The following ATXN1 variants were observed in gnomAD, a reference collection of about 807,000 sequenced individuals.
ATXN1 encodes ataxin 1.
Under a neutral mutation model 56.4 loss-of-function variants are expected in ATXN1, and 8 were observed. The ratio of observed to expected loss-of-function variants is 0.14; its 90% confidence interval spans 0.08 to 0.26. The LOEUF is 0.26. ATXN1 is among the 10% of genes least tolerant of loss of function. ATXN1 has a pLI of 1.00. For synonymous variants in ATXN1, 514 were observed against 494.6 expected (o/e 1.04, Z -0.52); for missense variants, 987 against 1,106.5 (o/e 0.89, Z 1.53).
intron 4 of ATXN1, among the ~76,000 whole-genome samples, chr6:16,546,916 G>A (rs1228480693): frequency 1.3e-5 from 2 of 152,172 alleles, no homozygotes; most frequent in African/African-American, 4.8e-5. Flanking sequence ...ATGCTGAAAT[G>A]GAAGTTTCTA....
At chr6:16,695,991 GAATAAATA>G (rs1205319667) in intron 2 of ATXN1, among the ~76,000 whole-genome samples, 1 of 151,334 alleles carries the variant, frequency 6.6e-6, no homozygotes, top group Non-Finnish European at 1.5e-5. Flanking sequence ...ATAAATAAAT[GAATAAATA>G]AATAAATAAA....
At chr6:16,530,442 T>C (rs1761481661) in intron 4 of ATXN1, among the ~76,000 whole-genome samples, 1 of 152,200 alleles carries the variant, frequency 6.6e-6, no homozygotes, top group Non-Finnish European at 1.5e-5. Context: ...TACGATTCCA[T>C]GGAAGGGTTA....
chr6:16,312,948 G>A (rs956486174), intron 7 of ATXN1, among the ~76,000 whole-genome samples: 6 of 152,174 alleles, frequency 3.9e-5, no homozygotes, highest in Non-Finnish European at 5.9e-5. Flanking sequence ...TACAATCTCG[G>A]CTCACTGCAA....
chr6:16,573,612 T>C (rs1303191901), intron 4 of ATXN1, among the ~76,000 whole-genome samples: 1 of 152,214 alleles, frequency 6.6e-6, no homozygotes, highest in Non-Finnish European at 1.5e-5. Flanking sequence ...ACCTCCTGCA[T>C]TAACTTCACA....
intron 2 of ATXN1, among the ~76,000 whole-genome samples, chr6:16,697,252 T>G (rs1759183926): frequency 6.6e-6 from 1 of 152,212 alleles, no homozygotes; most frequent in African/African-American, 2.4e-5. Context: ...CAACAAGTAT[T>G]AAGGACACAA....
chr6:16,369,709 C>CT, intron 6 of ATXN1, among the ~76,000 whole-genome samples: 1 of 152,268 alleles, frequency 6.6e-6, no homozygotes, highest in Non-Finnish European at 1.5e-5. Flanking sequence ...TAAATGCTAG[C>CT]TTACCTTAAA....
intron 4 of ATXN1, among the ~76,000 whole-genome samples, chr6:16,563,946 T>A (rs1303752926): frequency 6.6e-6 from 1 of 152,176 alleles, no homozygotes. Context: ...AGCTCACGAA[T>A]AGAAAGAGAA....
chr6:16,540,508 G>A (rs1192638646), intron 4 of ATXN1, among the ~76,000 whole-genome samples: 1 of 152,090 alleles, frequency 6.6e-6, no homozygotes, highest in Non-Finnish European at 1.5e-5. Context: ...CACTGCGCCC[G>A]GAACTGATTC....
In ATXN1 at chr6:16,422,047, G is replaced by GTT. The variant is rs34554293; in HGVS notation, c.-161+63923_-161+63924dup. Reference sequence around the variant, plus strand: ...TCTTCATCTTTTGAAGTATATAAGGGTTTTTTTTTTTATTTGCCTCTGTGC... The same window carrying GTT: ...TCTTCATCTTTTGAAGTATATAAGGGTTTTTTTTTTTTTATTTGCCTCTGTGC... On this transcript the variant is annotated intron_variant, in intron 6 of 7. Transcript: ENST00000436367. Among the ~76,000 whole-genome samples the GTT allele has an allele frequency of 1.8e-4, 27 of 148,264 alleles. No homozygotes were observed. In the East Asian group the frequency reaches 2.0e-3, roughly 11 times the overall value.
In ATXN1 at chr6:16,549,672, C is replaced by T. The variant is rs144460876; in HGVS notation, c.-360-26984G>A. Among the ~76,000 whole-genome samples, 472 of 152,062 alleles carry T rather than the reference C, an allele frequency of 3.1e-3. 1 individual carries two copies. The highest frequency in any genetic ancestry group is 0.01 in the African/African-American group (425 of 41,478). Reference sequence around the variant, plus strand: ...CAGCACTTTGGGAGGCAGAGATGGGCGGATCACCTGAGGCTGGGAGTTCGA... The same window carrying T: ...CAGCACTTTGGGAGGCAGAGATGGGTGGATCACCTGAGGCTGGGAGTTCGA... On this transcript the variant is annotated intron_variant, in intron 4 of 7. Transcript: ENST00000436367.
chr6:16,442,567 T>C (rs1340959750), intron 6 of ATXN1, among the ~76,000 whole-genome samples: 1 of 151,784 alleles, frequency 6.6e-6, no homozygotes, highest in African/African-American at 2.4e-5. Context: ...TAAAAGGATA[T>C]TACCTTAAAT....
At chr6:16,574,721 G>T (rs914669590) in intron 4 of ATXN1, among the ~76,000 whole-genome samples, 4 of 151,872 alleles carry the variant, frequency 2.6e-5, no homozygotes, top group Non-Finnish European at 2.9e-5. Flanking sequence ...AGCTTACAAA[G>T]CCATAGAACC....
At chr6:16,600,649 C>G (rs1319829077) in intron 3 of ATXN1, among the ~76,000 whole-genome samples, 1 of 152,172 alleles carries the variant, frequency 6.6e-6, no homozygotes, top group East Asian at 1.9e-4. Flanking sequence ...TAAAAAATTG[C>G]TATCTACAAG....
intron 4 of ATXN1, among the ~76,000 whole-genome samples, chr6:16,584,932 A>G (rs1762596120): frequency 6.6e-6 from 1 of 152,174 alleles, no homozygotes; most frequent in Non-Finnish European, 1.5e-5. Context: ...TATTTTTGGC[A>G]TCATGAAAGC....
chr6:16,611,002 G>C (rs1044442516), intron 3 of ATXN1, among the ~76,000 whole-genome samples: 12 of 152,092 alleles, frequency 7.9e-5, no homozygotes, highest in African/African-American at 2.9e-4. Context: ...TGCACTCCAG[G>C]CTGCACCACA....
rs1270597762 is a variant in ATXN1 at position 16,675,759 on chromosome 6, C to T, written c.-614-17858G>A. Among the ~76,000 whole-genome samples the T allele has an allele frequency of 5.3e-5, 8 of 151,990 alleles. No individual in the cohort carries two copies. The South Asian group carries it at 1.0e-3, about 20-fold the overall frequency. ...AAAAAATTAGCCAGGCATTGTGGTG[C>T]ATACCTGTAGTCCCAGCGACTCGGG... On this transcript the variant is annotated intron_variant, in intron 2 of 7. Transcript: ENST00000436367.
intron 3 of ATXN1, among the ~76,000 whole-genome samples, chr6:16,623,836 C>G (rs539517115): frequency 6.6e-6 from 1 of 152,300 alleles, no homozygotes; most frequent in Non-Finnish European, 1.5e-5. Flanking sequence ...CCATTCAATT[C>G]TGCAGTTTGT....
chr6:16,393,507 T>C (rs1185886622), intron 6 of ATXN1, among the ~76,000 whole-genome samples: 1 of 152,184 alleles, frequency 6.6e-6, no homozygotes, highest in African/African-American at 2.4e-5. Flanking sequence ...AGTGTTGGAA[T>C]TGTAGGTGTG....
At chr6:16,446,435 G>A (rs564204956) in intron 6 of ATXN1, among the ~76,000 whole-genome samples, 2 of 152,298 alleles carry the variant, frequency 1.3e-5, no homozygotes, top group East Asian at 3.9e-4. Context: ...TTCCTTTGGG[G>A]TGCCTGTTAA....
Sources: gnomAD v4.1 joint callset for allele counts (sites outside exome capture counted in the v4.1 genomes callset) on GRCh38, gnomAD v4.1.1 for gene constraint, MANE v1.5 for transcripts, NCBI Gene and HGNC (gene_info 2026-07-23, HGNC 2026-07-21) for gene names.